The following SLC7A7 variants were observed in gnomAD, a reference collection of about 807,000 sequenced individuals.
SLC7A7 encodes the protein Y+L amino acid transporter 1.
SLC7A7 carries 39 observed loss-of-function variants against 47.9 expected under a neutral mutation model. The observed-to-expected ratio is 0.81, with a 90% CI of 0.63 to 1.06. SLC7A7 has a LOEUF of 1.06. SLC7A7 is among the 50% of genes least tolerant of loss of function. The pLI, the probability that SLC7A7 is intolerant of heterozygous loss-of-function variation, is 0.00. For synonymous variants in SLC7A7, 234 were observed against 242.8 expected, an observed-to-expected ratio of 0.96 and a Z score of 0.34; for missense variants, 588 against 632.0, an observed-to-expected ratio of 0.93 and a Z score of 0.75.
intron 3 of SLC7A7, 91 bp from the exon 4 acceptor site, chr14:22,779,028 T>C: frequency 6.5e-7 from 1 of 1,534,600 alleles, no homozygotes; most frequent in South Asian, 1.2e-5. Context: ...AATATGGTAA[T>C]ATAATAGCAG....
Position 22,773,262 on chromosome 14 carries a change from T to C in SLC7A7, c.*348A>G, listed in dbSNP as rs1231829326. Reference sequence around the variant, plus strand: ...TTTTATTGTCATCCAGCACCTGTGATAGTTTCATGTCTCTCTAAAGGAGAC... The same window carrying C: ...TTTTATTGTCATCCAGCACCTGTGACAGTTTCATGTCTCTCTAAAGGAGAC... On this transcript the variant is annotated 3_prime_UTR_variant, in exon 10 of 10. Coordinates refer to ENST00000674313, the MANE Select transcript of SLC7A7 (RefSeq NM_003982.4). The C allele has an allele frequency of 6.8e-6, 3 of 442,580 alleles. No individual in the cohort carries two copies. The highest frequency in any genetic ancestry group is 6.6e-5 in the East Asian group (1 of 15,196). 27.4% of individuals were successfully genotyped at this position (442,580 alleles called of 1,614,324 possible).
intron 2 of SLC7A7, among the ~76,000 whole-genome samples, chr14:22,800,150 C>A (rs1026974140): frequency 6.6e-6 from 1 of 152,172 alleles, no homozygotes; most frequent in African/African-American, 2.4e-5. Context: ...AGCTTTCAAT[C>A]CTACATAGAA....
intron 1 of SLC7A7, among the ~76,000 whole-genome samples, chr14:22,814,409 G>A (rs752229732): frequency 1.3e-5 from 2 of 151,804 alleles, no homozygotes; most frequent in Non-Finnish European, 2.9e-5. Context: ...ACTTGAGCCC[G>A]GGAGGCAGAG....
intron 2 of SLC7A7, among the ~76,000 whole-genome samples, chr14:22,800,662 C>T (rs966371953): frequency 2.1e-5 from 3 of 140,380 alleles, no homozygotes; most frequent in Admixed American, 7.7e-5. Flanking sequence ...AGGCCGGGTG[C>T]GGTGGCTCAC....
chr14:22,783,292 G>A (rs12880108), intron 2 of SLC7A7, among the ~76,000 whole-genome samples: 1 of 151,940 alleles, frequency 6.6e-6, no homozygotes, highest in African/African-American at 2.4e-5. Context: ...CGAACTCCTG[G>A]CCTCAGGCAA....
Position 22,786,264 on chromosome 14 carries a change from G to A in SLC7A7, c.500-6213C>T, listed in dbSNP as rs531843985. The stretch of plus-strand genomic sequence containing the variant: ...ACCCGGGAGGCAGAGGTTGCAGTGG[G>A]CCGAGATCACGGCACTGCACTCCAG... On this transcript the variant is annotated intron_variant, in intron 2 of 9. Transcript: ENST00000674313. Among the ~76,000 whole-genome samples the A allele has an allele frequency of 5.9e-5, 9 of 151,558 alleles. No homozygotes were observed. The South Asian group carries it at 1.7e-3, about 28-fold the overall frequency.
intron 2 of SLC7A7, among the ~76,000 whole-genome samples, chr14:22,795,211 G>C (rs12147511): frequency 2.0e-5 from 3 of 149,854 alleles, no homozygotes; most frequent in African/African-American, 7.4e-5. Context: ...CACCTGAGTA[G>C]CTGGGACTAC....
intron 2 of SLC7A7, among the ~76,000 whole-genome samples, chr14:22,793,745 G>A (rs1400615824): frequency 5.9e-5 from 9 of 152,082 alleles, no homozygotes; most frequent in Non-Finnish European, 1.3e-4. Flanking sequence ...CAACTCGGGA[G>A]GTGGAGGTGG....
chr14:22,785,845 A>G (rs934207582), intron 2 of SLC7A7, among the ~76,000 whole-genome samples: 2 of 151,808 alleles, frequency 1.3e-5, no homozygotes, highest in African/African-American at 4.8e-5. Flanking sequence ...ACACGGTGAA[A>G]CCCCATCTCT....
intron 2 of SLC7A7, among the ~76,000 whole-genome samples, chr14:22,792,148 C>A (rs971077442): frequency 6.6e-6 from 1 of 152,034 alleles, no homozygotes; most frequent in Non-Finnish European, 1.5e-5. Flanking sequence ...AAACTCTCTA[C>A]ACCTTGAAAT....
At position 22,782,441 on chromosome 14, in the gene SLC7A7, C is replaced by CTTTAT. The variant is rs1566445127; in HGVS notation, c.500-2391_500-2390insATAAA. Among the ~76,000 whole-genome samples the CTTTAT allele has an allele frequency of 2.7e-5, 4 of 148,464 alleles. No homozygotes were observed. The Admixed American group carries it at 2.7e-4, about 10-fold the overall frequency. On this transcript the variant is annotated intron_variant, in intron 2 of 9. Transcript: ENST00000674313. The stretch of plus-strand genomic sequence containing the variant: ...TTTTTTTTATTTACTTATTTATTGA[C>CTTTAT]TTATTTATTTATTTATTTATTTATT...
chr14:22,773,747 A>G (rs1292519446), intron 9 of SLC7A7, 31 bp from the exon 10 acceptor site: 1 of 1,607,484 alleles, frequency 6.2e-7, no homozygotes, highest in Non-Finnish European at 8.5e-7. Context: ...TGGAATTGAG[A>G]AGAGGTCAGC....
rs11568431 is a variant in SLC7A7, at chr14:22,780,138, C to T, written c.500-87G>A. ...AAGCAATTTTTCCAGTACCAGTCAC[C>T]AAGATATATATACCCTTCAGCCAAA... On this transcript the variant is annotated intron_variant, in intron 2 of 9. Transcript: ENST00000674313. 1.1e-3 allele frequency: 1,703 copies of T among 1,568,112 alleles called. 42 individuals are homozygous for T. In the East Asian group the frequency reaches 0.036, roughly 33 times the overall value.
Position 22,773,233 on chromosome 14 carries a change from A to C in SLC7A7, c.*377T>G, listed in dbSNP as rs1464557031. 2.5e-6 allele frequency: 1 copy of C among 399,316 alleles called. No individual in the cohort carries two copies. Among genetic ancestry groups the C allele is most frequent in the Admixed American group, 3.4e-5 (1 of 29,712 alleles). The allele number at this position is 399,316 out of a possible 1,614,324, so 24.7% of individuals were successfully genotyped here. A position where few individuals can be genotyped will look rare whatever the true frequency, so the allele number is the denominator to read the frequency against. On this transcript the variant is annotated 3_prime_UTR_variant, in exon 10 of 10. Coordinates refer to ENST00000674313, the MANE Select transcript of SLC7A7 (RefSeq NM_003982.4). ...GAAGCCACTCAGACTTTAGGAACAT[A>C]AACTTTTATTGTCATCCAGCACCTG...
Position 22,778,806 on chromosome 14 carries a change from T to G in SLC7A7, c.757A>C (p.Lys253Gln). The change falls in exon 4 of 10, where the codon AAG becomes CAG. Residue 253 changes from lysine (K) to glutamine (Q), a missense_variant. By Grantham distance (53) the Lys-to-Gln change is moderately conservative. Transcript: ENST00000674313. ...DTLNYVTEEIKNPERNLPLSI... is the reference protein window; with the variant it reads ...DTLNYVTEEIQNPERNLPLSI... ...TGCAGTACCTACCTCTCAGGATTCT[T>G]GATCTCTTCAGTGACATAGTTGAGG... is the stretch of plus-strand genomic sequence containing the variant. 2 of 1,614,168 alleles carry G rather than the reference T, an allele frequency of 1.2e-6. No homozygotes were observed. Among genetic ancestry groups the G allele is most frequent in the Non-Finnish European group, 1.7e-6 (2 of 1,180,014 alleles).
rs768649205 is a variant in SLC7A7, at chr14:22,779,966, C to T, written c.585G>A (p.Leu195=). Residue 195 remains leucine (L), a synonymous_variant, in exon 3 of 10, where the codon CTG becomes CTA. Coordinates refer to ENST00000674313, the MANE Select transcript of SLC7A7 (RefSeq NM_003982.4). ...DIFTYAKVLA[L]IAVIVAGIVR... ...CAATGCCTGCAACGATGACCGCGAT[C>T]AGTGCCAATACTTTAGCATAGGTGA... The T allele has an allele frequency of 5.0e-6, 8 of 1,614,034 alleles. No individual in the cohort carries two copies. The East Asian group carries it at 1.6e-4, about 31-fold the overall frequency.
intron 2 of SLC7A7, among the ~76,000 whole-genome samples, chr14:22,795,381 G>T (rs113905807): frequency 0.088 from 446 of 5,070 alleles, 3 homozygotes; most frequent in Admixed American, 0.099. Context: ...AGTATTGCTT[G>T]CTTGCTTTCT....
At chr14:22,800,949 A>C in intron 2 of SLC7A7, among the ~76,000 whole-genome samples, 1 of 151,938 alleles carries the variant, frequency 6.6e-6, no homozygotes, top group East Asian at 1.9e-4. Context: ...CAAAAAAAGA[A>C]AAAAAAGAAG....
intron 4 of SLC7A7, 151 bp downstream of exon 4, chr14:22,778,642 G>A: frequency 1.3e-6 from 1 of 753,708 alleles, no homozygotes; most frequent in South Asian, 1.9e-5. Context: ...TCATAGACAA[G>A]TTACTTCTCT....
Sources: gnomAD v4.1 joint callset for allele counts (sites outside exome capture counted in the v4.1 genomes callset) on GRCh38, gnomAD v4.1.1 for gene constraint, MANE v1.5 for transcripts, NCBI Gene and HGNC (gene_info 2026-07-23, HGNC 2026-07-21) for gene names.